QRICH1: variants seen among roughly 807,000 people sequenced by gnomAD.
QRICH1 encodes the protein glutamine rich 1, also known as transcriptional regulator QRICH1.
Under a neutral mutation model 87.1 loss-of-function variants are expected in QRICH1, and 16 were observed. The observed-to-expected ratio is 0.18, with a 90% CI of 0.12 to 0.28. The LOEUF (loss-of-function observed/expected upper bound fraction) is 0.28, where lower values mean the gene tolerates loss of function less well. QRICH1 is among the 10% of genes least tolerant of loss of function. The probability of loss-of-function intolerance (pLI) is 1.00; values close to 1 mark genes in which losing one functional copy is unlikely to be tolerated. For missense variants in QRICH1, 647 were observed against 951.7 expected, an observed-to-expected ratio of 0.68 and a Z score of 4.21; for synonymous variants, 367 against 368.4, an observed-to-expected ratio of 1.00 and a Z score of 0.05.
At chr3:49,079,237 AAAACAAACAAAC>A (rs951961856) in intron 1 of QRICH1, among the ~76,000 whole-genome samples, 1 of 151,836 alleles carries the variant, frequency 6.6e-6, no homozygotes. Context: ...CTGTCTAAAA[AAAACAAACAAAC>A]AAACAAACAA....
At chr3:49,030,765 C>T in intron 9 of QRICH1, 121 bp from the exon 10 acceptor site, 2 of 863,622 alleles carry the variant, frequency 2.3e-6, no homozygotes, top group Non-Finnish European at 1.7e-6. Context: ...GGCACAGCTA[C>T]TGAATTCCAT....
chr3:49,031,717 G>C (rs1471480676), intron 9 of QRICH1, among the ~76,000 whole-genome samples: 1 of 152,170 alleles, frequency 6.6e-6, no homozygotes, highest in Non-Finnish European at 1.5e-5. Flanking sequence ...TGTGGCTAGG[G>C]AACTAAGAGC....
chr3:49,069,419 G>A (rs2093488050), intron 2 of QRICH1, among the ~76,000 whole-genome samples: 1 of 151,120 alleles, frequency 6.6e-6, no homozygotes, highest in African/African-American at 2.4e-5. Context: ...ATTTTTTACA[G>A]AAAAAAAGGA....
At chr3:49,066,874 A>C (rs2093471740) in intron 2 of QRICH1, among the ~76,000 whole-genome samples, 1 of 151,618 alleles carries the variant, frequency 6.6e-6, no homozygotes, top group Admixed American at 6.6e-5. Context: ...CCCGTCTCTA[A>C]TAAAAATACA....
chr3:49,093,935 G>A lies in QRICH1; in HGVS notation c.-45C>T. 2 of 329,010 alleles carry A rather than the reference G, an allele frequency of 6.1e-6. No homozygotes were observed. The highest frequency in any genetic ancestry group is 4.6e-5 in the East Asian group (1 of 21,906). The allele number at this position is 329,010 out of a possible 1,614,324, so 20.4% of individuals were successfully genotyped here. On this transcript the variant is annotated 5_prime_UTR_variant, in exon 1 of 10. Coordinates refer to ENST00000395443, the MANE Select transcript of QRICH1 (RefSeq NM_198880.3). The stretch of plus-strand genomic sequence containing the variant: ...ACCCGGCGACGTCACTGCCGCCGCC[G>A]CCGCCGCCTCCGCTGCACCCGCCGG...
rs2093252390 is a variant in QRICH1, at chr3:49,033,120, T to C, written c.1895A>G (p.Lys632Arg). ...GCAGTGGAGCCTCTAGAACACTTAC[T>C]TGGTATTAAAGAACATGAGGGTGGT... is the stretch of plus-strand genomic sequence containing the variant. Reference protein sequence around the residue: ...LLTTLMFFNTKYFLLKTVDQH... With the variant: ...LLTTLMFFNTRYFLLKTVDQH... Residue 632 changes from lysine (K) to arginine (R), a missense_variant and splice_region_variant, in exon 7 of 10, where the codon AAG (lysine) becomes AGG (arginine). Around this residue, in one of 7 missense-constraint regions of QRICH1, gnomAD observed 187 missense variants for 309.5 expected, o/e 0.60. Transcript: ENST00000395443. 1.3e-6 allele frequency: 2 copies of C among 1,533,416 alleles called. No individual in the cohort carries two copies. Among genetic ancestry groups the C allele is most frequent in the Non-Finnish European group, 1.8e-6 (2 of 1,139,086 alleles). 95.0% of individuals were successfully genotyped at this position (1,533,416 alleles called of 1,614,324 possible).
intron 2 of QRICH1, among the ~76,000 whole-genome samples, chr3:49,067,920 C>CA (rs1282176642): frequency 1.2e-4 from 18 of 151,500 alleles, no homozygotes; most frequent in Admixed American, 1.1e-3. Flanking sequence ...CACTGCACTC[C>CA]AGCCCAGGCG....
chr3:49,078,305 C>T (rs1280693481), intron 1 of QRICH1, among the ~76,000 whole-genome samples: 3 of 151,314 alleles, frequency 2.0e-5, no homozygotes, highest in African/African-American at 4.9e-5. Flanking sequence ...TGGTTCTCTC[C>T]GAATAGCTCA....
At chr3:49,044,663 A>G (rs2093329024) in intron 5 of QRICH1, among the ~76,000 whole-genome samples, 159 bp from the exon 6 acceptor site, 1 of 152,204 alleles carries the variant, frequency 6.6e-6, no homozygotes, top group African/African-American at 2.4e-5. Flanking sequence ...AGTATGCCTA[A>G]GCTCATGTGA....
At chr3:49,081,685 G>C (rs1395617416) in intron 1 of QRICH1, among the ~76,000 whole-genome samples, 3 of 152,200 alleles carry the variant, frequency 2.0e-5, no homozygotes, top group Non-Finnish European at 4.4e-5. Context: ...ATTTGTTAGA[G>C]AGACAGGGTT....
At position 49,032,435 on chromosome 3, in the gene QRICH1, C is replaced by G. The variant is rs956001729; in HGVS notation, c.2048-162G>C. 4.7e-6 allele frequency: 4 copies of G among 857,644 alleles called. No individual in the cohort carries two copies. The East Asian group carries it at 1.0e-4, about 22-fold the overall frequency. The allele number at this position is 857,644 out of a possible 1,614,324, so 53.1% of individuals were successfully genotyped here. A position where few individuals can be genotyped will look rare whatever the true frequency, so the allele number is the denominator to read the frequency against. ...CAGTGACTACTAAGGGAAGAGGCAGCTATTCTGTCTGGGGCTTCTCTGCTT... is the reference window on the plus strand; with the variant it reads ...CAGTGACTACTAAGGGAAGAGGCAGGTATTCTGTCTGGGGCTTCTCTGCTT... On this transcript the variant is annotated intron_variant, in intron 8 of 9. Coordinates refer to ENST00000395443, the MANE Select transcript of QRICH1 (RefSeq NM_198880.3).
At chr3:49,061,132 CTTAA>C (rs1341056301) in intron 2 of QRICH1, among the ~76,000 whole-genome samples, 2 of 84,584 alleles carry the variant, frequency 2.4e-5, no homozygotes, top group East Asian at 7.2e-4. Flanking sequence ...GAGCCTCCAT[CTTAA>C]AAAAAAAAAA....
Position 49,066,867 on chromosome 3 carries a change from G to A in QRICH1, c.310-8977C>T, listed in dbSNP as rs151152581. Among the ~76,000 whole-genome samples, 17 of 151,888 alleles carry A rather than the reference G, an allele frequency of 1.1e-4. 1 individual carries two copies. The East Asian group carries it at 3.1e-3, about 28-fold the overall frequency. ...AGCCTGGCCAACATGGTTAAACCCCGTCTCTAATAAAAATACAAAAATTAC... is the reference window on the plus strand; with the variant it reads ...AGCCTGGCCAACATGGTTAAACCCCATCTCTAATAAAAATACAAAAATTAC... On this transcript the variant is annotated intron_variant, in intron 2 of 9. Transcript: ENST00000395443.
chr3:49,058,139 G>A, intron 2 of QRICH1: 2 of 590,974 alleles, frequency 3.4e-6, no homozygotes, highest in South Asian at 2.4e-5. Context: ...GCCTAAAAAG[G>A]AAATACCAAA....
chr3:49,070,123 G>A (rs1322902612), intron 2 of QRICH1, among the ~76,000 whole-genome samples: 1 of 151,056 alleles, frequency 6.6e-6, no homozygotes, highest in African/African-American at 2.4e-5. Context: ...CTGCAACCTT[G>A]GCTTCCCAGG....
At chr3:49,033,919 G>A (rs2093257690) in intron 6 of QRICH1, 1 of 151,950 alleles carries the variant, frequency 6.6e-6, no homozygotes, top group Non-Finnish European at 1.5e-5. Context: ...CCCAGAAGGT[G>A]GAGCTTGCAG....
intron 2 of QRICH1, among the ~76,000 whole-genome samples, chr3:49,070,792 ATTCT>A (rs1201467251): frequency 6.6e-6 from 1 of 152,170 alleles, no homozygotes; most frequent in African/African-American, 2.4e-5. Flanking sequence ...GAAAACATAC[ATTCT>A]TATGATTCTA....
intron 7 of QRICH1, 45 bp from the exon 8 acceptor site, chr3:49,032,818 G>A (rs776769515): frequency 5.9e-5 from 93 of 1,576,036 alleles, no homozygotes; most frequent in Middle Eastern, 1.9e-4. Context: ...GGTGCCGGGA[G>A]GATACCATGA....
intron 6 of QRICH1, among the ~76,000 whole-genome samples, chr3:49,036,395 G>C (rs1257242583): frequency 6.6e-6 from 1 of 152,100 alleles, no homozygotes; most frequent in Non-Finnish European, 1.5e-5. Flanking sequence ...TTCTACACTA[G>C]AACAAGAAAT....
Sources: gnomAD v4.1 joint callset for allele counts (sites outside exome capture counted in the v4.1 genomes callset) on GRCh38, gnomAD v4.1.1 for gene constraint, gnomAD v4.1.1 regional missense constraint, MANE v1.5 for transcripts, NCBI Gene and HGNC (gene_info 2026-07-23, HGNC 2026-07-21) for gene names.